DDI2: variants seen among roughly 807,000 people sequenced by gnomAD.
DDI2 encodes the protein protein DDI1 homolog 2.
In DDI2, 5 loss-of-function variants were observed where a neutral mutation model predicts 48.1. The observed-to-expected ratio is 0.10, with a 90% CI of 0.05 to 0.22. DDI2 has a LOEUF of 0.22. Among genes scored for constraint, DDI2 ranks in the 10% least tolerant of loss-of-function variants. The pLI, the probability that DDI2 is intolerant of heterozygous loss-of-function variation, is 1.00. For synonymous variants in DDI2, 205 were observed against 183.6 expected, an observed-to-expected ratio of 1.12 and a Z score of -0.94; for missense variants, 285 against 506.2, an observed-to-expected ratio of 0.56 and a Z score of 4.19.
At chr1:15,637,657 C>T (rs907171827) in intron 4 of DDI2, among the ~76,000 whole-genome samples, 9 of 152,164 alleles carry the variant, frequency 5.9e-5, no homozygotes, top group Non-Finnish European at 1.2e-4. Flanking sequence ...CGTGAGCCAC[C>T]GTGTGCGGCC....
At position 15,646,366 on chromosome 1, in the gene DDI2, C is replaced by A. The variant is rs1400438936; in HGVS notation, c.889+2716C>A. ...AGCTCTAAAATTTTGTTCCTGTGGT[C>A]TCTACTATTATATTTGGCCTTAAAA... On this transcript the variant is annotated intron_variant, in intron 6 of 9. Coordinates refer to ENST00000480945, the MANE Select transcript of DDI2 (RefSeq NM_032341.5). 2.0e-5 allele frequency among the ~76,000 whole-genome samples: 3 copies of A among 152,142 alleles called. No homozygotes were observed. In the East Asian group the frequency reaches 5.8e-4, roughly 29 times the overall value.
chr1:15,646,804 TTTTG>T lies in DDI2; in HGVS notation c.890-2912_890-2909del, dbSNP rs1482157672. Among the ~76,000 whole-genome samples the T allele has an allele frequency of 2.0e-5, 3 of 152,234 alleles. No homozygotes were observed. The East Asian group carries it at 5.8e-4, about 29-fold the overall frequency. Reference sequence around the variant, plus strand: ...GTCATTCATCTCTAATCAGAATTGTTTTTGTTTTCTTCTTCCATTATCCATTTAA... The same window carrying T: ...GTCATTCATCTCTAATCAGAATTGTTTTTTCTTCTTCCATTATCCATTTAA... On this transcript the variant is annotated intron_variant, in intron 6 of 9. Coordinates refer to ENST00000480945, the MANE Select transcript of DDI2 (RefSeq NM_032341.5).
intron 8 of DDI2, among the ~76,000 whole-genome samples, chr1:15,655,983 T>C (rs1225037974): frequency 1.3e-5 from 2 of 151,918 alleles, no homozygotes; most frequent in Non-Finnish European, 2.9e-5. Context: ...TTATAAACTC[T>C]ATATTAAAAT....
chr1:15,661,840 A>C lies in DDI2; in HGVS notation c.*2050A>C. 7.8e-7 allele frequency: 1 copy of C among 1,288,050 alleles called. No individual in the cohort carries two copies. 79.8% of individuals were successfully genotyped at this position (1,288,050 alleles called of 1,614,324 possible). On this transcript the variant is annotated 3_prime_UTR_variant, in exon 10 of 10. Transcript: ENST00000480945. Reference sequence around the variant, plus strand: ...ACAGTATATATAGAAACCTGCAAGCAGAATGTTGAGCCAGATTTTTTTTAA... The same window carrying C: ...ACAGTATATATAGAAACCTGCAAGCCGAATGTTGAGCCAGATTTTTTTTAA...
intron 8 of DDI2, among the ~76,000 whole-genome samples, chr1:15,654,253 T>C (rs1286416602): frequency 6.6e-6 from 1 of 152,214 alleles, no homozygotes; most frequent in Non-Finnish European, 1.5e-5. Flanking sequence ...AACATTCAGA[T>C]GTCTGTCATT....
At chr1:15,656,556 G>A (rs2103480647) in intron 8 of DDI2, 61 bp from the exon 9 acceptor site, 1 of 1,613,952 alleles carries the variant, frequency 6.2e-7, no homozygotes, top group East Asian at 2.2e-5. Context: ...CTATAACCCT[G>A]CATGCTGTGT....
At chr1:15,645,005 T>C (rs1640067940) in intron 6 of DDI2, among the ~76,000 whole-genome samples, 1 of 144,550 alleles carries the variant, frequency 6.9e-6, no homozygotes, top group Admixed American at 6.7e-5. Flanking sequence ...TTCTCCTGAC[T>C]CAGCCTCCCT....
chr1:15,633,655 G>A lies in DDI2; in HGVS notation c.632+90G>A, dbSNP rs1639882141. The A allele has an allele frequency of 1.9e-6, 3 of 1,572,424 alleles. No homozygotes were observed. In the Admixed American group the frequency reaches 5.2e-5, roughly 27 times the overall value. On this transcript the variant is annotated intron_variant, in intron 4 of 9. Coordinates refer to ENST00000480945, the MANE Select transcript of DDI2 (RefSeq NM_032341.5). ...CTGACATTGGTTGGGCATCTGCTTG[G>A]AGGTAGCTTCTCTGTTTTGCAGTTG... is the stretch of plus-strand genomic sequence containing the variant.
rs1259070014 is a variant in DDI2, at chr1:15,660,040, G to A, written c.*250G>A. 1.9e-6 allele frequency: 3 copies of A among 1,614,002 alleles called. No homozygotes were observed. The highest frequency in any genetic ancestry group is 2.5e-6 in the Non-Finnish European group (3 of 1,179,990). Reference sequence around the variant, plus strand: ...ACCTAAAGCTGTGAAGGCTTTGAAGGCTTCAGCTGAATTCCAGCTAAACTC... The same window carrying A: ...ACCTAAAGCTGTGAAGGCTTTGAAGACTTCAGCTGAATTCCAGCTAAACTC... On this transcript the variant is annotated 3_prime_UTR_variant, in exon 10 of 10. Coordinates refer to ENST00000480945, the MANE Select transcript of DDI2 (RefSeq NM_032341.5).
At position 15,661,469 on chromosome 1, in the gene DDI2, A is replaced by C. The variant is rs1386162969; in HGVS notation, c.*1679A>C. 1.2e-6 allele frequency: 2 copies of C among 1,613,900 alleles called. No individual in the cohort carries two copies. Among genetic ancestry groups the C allele is most frequent in the Non-Finnish European group, 1.7e-6 (2 of 1,179,890 alleles). ...CAGGGCATACAGAATTCAGTAACAG[A>C]CAGGCCTGAAACCAGAGAAAATGTC... is the stretch of plus-strand genomic sequence containing the variant. On this transcript the variant is annotated 3_prime_UTR_variant, in exon 10 of 10. Transcript: ENST00000480945.
At chr1:15,647,382 A>G (rs1640108696) in intron 6 of DDI2, among the ~76,000 whole-genome samples, 1 of 151,942 alleles carries the variant, frequency 6.6e-6, no homozygotes, top group Admixed American at 6.6e-5. Flanking sequence ...TCCTGAGCTC[A>G]AAGTGATTCG....
chr1:15,649,174 G>T (rs1640138189), intron 6 of DDI2, among the ~76,000 whole-genome samples: 1 of 150,186 alleles, frequency 6.7e-6, no homozygotes, highest in Non-Finnish European at 1.5e-5. Context: ...GACCAGCCTG[G>T]CTAACATGGT....
At chr1:15,629,286 A>G (rs1441080465) in intron 2 of DDI2, among the ~76,000 whole-genome samples, 1 of 152,160 alleles carries the variant, frequency 6.6e-6, no homozygotes, top group African/African-American at 2.4e-5. Context: ...TATGCTGCTC[A>G]CTTGACATAT....
At position 15,651,675 on chromosome 1, in the gene DDI2, T is replaced by C. The variant is rs765388013; in HGVS notation, c.994-31T>C. ...TAATTTTTCTGCATGGTGTTTTATC[T>C]GCTATTATTCTTTGGTTTCTTTCTT... On this transcript the variant is annotated intron_variant, in intron 7 of 9. Coordinates refer to ENST00000480945, the MANE Select transcript of DDI2 (RefSeq NM_032341.5). 2.6e-6 allele frequency: 4 copies of C among 1,567,274 alleles called. No homozygotes were observed. The African/African-American group carries it at 5.5e-5, about 22-fold the overall frequency.
intron 4 of DDI2, among the ~76,000 whole-genome samples, chr1:15,636,512 G>A (rs970136206): frequency 1.3e-5 from 2 of 150,980 alleles, no homozygotes; most frequent in African/African-American, 2.4e-5. Flanking sequence ...TTGCTCTGTC[G>A]TCCAGGCTGG....
rs375883426 is a variant in DDI2, at chr1:15,661,643, G to A, written c.*1853G>A. The A allele has an allele frequency of 1.1e-5, 18 of 1,613,992 alleles. No individual in the cohort carries two copies. The African/African-American group carries it at 2.3e-4, about 20-fold the overall frequency. On this transcript the variant is annotated 3_prime_UTR_variant, in exon 10 of 10. Coordinates refer to ENST00000480945, the MANE Select transcript of DDI2 (RefSeq NM_032341.5). The stretch of plus-strand genomic sequence containing the variant: ...GGCTTTACTTTGCAGGAAGCTCTTG[G>A]AGCTTTGCATCGAGTTGGTGGGAAT...
At chr1:15,620,172 G>A (rs6680738) in intron 1 of DDI2, among the ~76,000 whole-genome samples, 4,714 of 152,164 alleles carry the variant, frequency 0.031, 108 homozygotes, top group Admixed American at 0.068. Flanking sequence ...GGCTCCAACT[G>A]GTGTTAAGCC....
At chr1:15,636,586 G>A (rs960845012) in intron 4 of DDI2, among the ~76,000 whole-genome samples, 10 of 152,144 alleles carry the variant, frequency 6.6e-5, no homozygotes, top group Admixed American at 1.3e-4. Context: ...AATCTCTTGC[G>A]TCAGTCTCCT....
chr1:15,652,058 C>CTTTTTTTTTTTTTTTTTTTTTTTTT (rs772990709), intron 8 of DDI2, among the ~76,000 whole-genome samples, 163 bp downstream of exon 8: 1 of 75,976 alleles, frequency 1.3e-5, no homozygotes, highest in African/African-American at 6.6e-5. Context: ...TTTGATCTTC[C>CTTTTTTTTTTTTTTTTTTTTTTTTT]TTTTTTTTTT....
Sources: allele counts gnomAD v4.1 joint callset (sites outside exome capture counted in the v4.1 genomes callset), GRCh38; gene constraint gnomAD v4.1.1; transcripts MANE v1.5; gene names NCBI Gene and HGNC (gene_info 2026-07-23, HGNC 2026-07-21).